TOX: variants seen among roughly 807,000 people sequenced by gnomAD.
TOX encodes thymocyte selection associated high mobility group box, also known as thymocyte selection-associated high mobility group box protein TOX.
A neutral mutation model predicts 53.7 loss-of-function variants in TOX; 11 were observed. That is an observed-to-expected ratio of 0.20 (90% CI 0.13 to 0.34). The LOEUF (loss-of-function observed/expected upper bound fraction) is 0.34, where lower values mean the gene tolerates loss of function less well. TOX is among the 10% of genes least tolerant of loss of function. The pLI is 1.00. For synonymous variants in TOX, 225 were observed against 245.3 expected, an observed-to-expected ratio of 0.92 and a Z score of 0.77; for missense variants, 570 against 664.6, an observed-to-expected ratio of 0.86 and a Z score of 1.56.
At chr8:58,878,205 GA>G (rs3083365) in intron 3 of TOX, among the ~76,000 whole-genome samples, 151 of 141,062 alleles carry the variant, frequency 1.1e-3, no homozygotes, top group South Asian at 2.0e-3. Flanking sequence ...GTGGTATTTG[GA>G]AAAAAAAAAA....
At chr8:58,940,808 T>C (rs1812425448) in intron 2 of TOX, among the ~76,000 whole-genome samples, 1 of 152,200 alleles carries the variant, frequency 6.6e-6, no homozygotes, top group Non-Finnish European at 1.5e-5. Flanking sequence ...TTTTTCCAGA[T>C]GGCGTCTATT....
At chr8:58,902,608 T>A (rs1268087707) in intron 3 of TOX, among the ~76,000 whole-genome samples, 6 of 152,224 alleles carry the variant, frequency 3.9e-5, no homozygotes, top group Non-Finnish European at 7.3e-5. Flanking sequence ...AAGATGAATC[T>A]TATAAGTTTT....
intron 1 of TOX, among the ~76,000 whole-genome samples, chr8:59,112,717 A>C (rs1216870519): frequency 6.6e-6 from 1 of 152,200 alleles, no homozygotes; most frequent in Non-Finnish European, 1.5e-5. Flanking sequence ...AGCTTCTAAG[A>C]TGTCTCAAAC....
intron 1 of TOX, among the ~76,000 whole-genome samples, chr8:59,063,129 A>C (rs1804017844): frequency 6.6e-6 from 1 of 152,150 alleles, no homozygotes; most frequent in Non-Finnish European, 1.5e-5. Flanking sequence ...TAGCTACTGA[A>C]ATCCTATGCA....
At chr8:58,958,028 A>G (rs1333057512) in intron 2 of TOX, among the ~76,000 whole-genome samples, 1 of 152,220 alleles carries the variant, frequency 6.6e-6, no homozygotes, top group Non-Finnish European at 1.5e-5. Context: ...ATCTTACACT[A>G]GTCTAAATTT....
At chr8:58,883,653 T>C (rs999529527) in intron 3 of TOX, among the ~76,000 whole-genome samples, 1 of 152,126 alleles carries the variant, frequency 6.6e-6, no homozygotes, top group Non-Finnish European at 1.5e-5. Flanking sequence ...AAACATCACA[T>C]TAGGGAACTT....
intron 1 of TOX, among the ~76,000 whole-genome samples, chr8:59,105,133 C>T (rs1468125692): frequency 2.0e-5 from 3 of 152,164 alleles, no homozygotes; most frequent in Non-Finnish European, 4.4e-5. Flanking sequence ...AAGAAGTTGA[C>T]TTCTTAGGCT....
Position 59,112,702 on chromosome 8 carries a change from G to A in TOX, c.102+6184C>T, listed in dbSNP as rs1045658907. Among the ~76,000 whole-genome samples the A allele has an allele frequency of 6.6e-5, 10 of 152,094 alleles. No individual in the cohort carries two copies. In the South Asian group the frequency reaches 1.0e-3, roughly 16 times the overall value. On this transcript the variant is annotated intron_variant, in intron 1 of 8. Transcript: ENST00000361421. Reference sequence around the variant, plus strand: ...ATGCAATTTAAACAAATAAGGGAGCGTTCCAGCTTCTAAGATGTCTCAAAC... The same window carrying A: ...ATGCAATTTAAACAAATAAGGGAGCATTCCAGCTTCTAAGATGTCTCAAAC...
intron 1 of TOX, among the ~76,000 whole-genome samples, chr8:59,066,474 A>G (rs1482449636): frequency 3.3e-5 from 5 of 152,190 alleles, no homozygotes; most frequent in Non-Finnish European, 7.4e-5. Context: ...AAAAAATTCC[A>G]ATAACAGATA....
At chr8:59,067,530 G>C (rs1804115712) in intron 1 of TOX, among the ~76,000 whole-genome samples, 1 of 151,732 alleles carries the variant, frequency 6.6e-6, no homozygotes, top group Admixed American at 6.6e-5. Context: ...ACTCCAGCTG[G>C]GAGACAGAGT....
chr8:58,973,001 T>C (rs971554688), intron 1 of TOX, among the ~76,000 whole-genome samples: 2 of 152,218 alleles, frequency 1.3e-5, no homozygotes, highest in Non-Finnish European at 2.9e-5. Context: ...AACTTAAGCA[T>C]GTATTAAGAA....
At chr8:58,979,511 C>T (rs1310836988) in intron 1 of TOX, among the ~76,000 whole-genome samples, 2 of 152,170 alleles carry the variant, frequency 1.3e-5, no homozygotes, top group African/African-American at 4.8e-5. Context: ...AAGACTGCAA[C>T]TTCATTCTGT....
chr8:59,103,318 T>C (rs1804839298), intron 1 of TOX, among the ~76,000 whole-genome samples: 1 of 152,200 alleles, frequency 6.6e-6, no homozygotes, highest in Non-Finnish European at 1.5e-5. Context: ...AAGGAAGTTT[T>C]TCAAGGCCTC....
At position 58,808,206 on chromosome 8, in the gene TOX, CAACTTGTGCAGCTGT is replaced by C; in HGVS notation, c.1441_1455del (p.Thr481_Val485del). On this transcript the variant is annotated inframe_deletion, in exon 8 of 9. Transcript: ENST00000361421. ...CGCACATACTCCATTGCCTGGGTGA[CAACTTGTGCAGCTGT>C]AGATGTAGGATTGATAATAGTCTGA... 6.2e-7 allele frequency: 1 copy of C among 1,614,112 alleles called. No homozygotes were observed. The highest frequency in any genetic ancestry group is 8.5e-7 in the Non-Finnish European group (1 of 1,179,998).
intron 6 of TOX, among the ~76,000 whole-genome samples, chr8:58,819,152 T>C (rs529820223): frequency 6.6e-6 from 1 of 152,324 alleles, no homozygotes; most frequent in South Asian, 2.1e-4. Context: ...GTACTCTTAC[T>C]GTCATTTTTT....
At chr8:58,949,828 A>G (rs1192058482) in intron 2 of TOX, among the ~76,000 whole-genome samples, 1 of 150,996 alleles carries the variant, frequency 6.6e-6, no homozygotes, top group East Asian at 1.9e-4. Context: ...CTATATGTAT[A>G]TAAAATATAT....
chr8:58,818,777 G>A (rs1010683914), intron 6 of TOX, among the ~76,000 whole-genome samples: 4 of 152,046 alleles, frequency 2.6e-5, no homozygotes, highest in African/African-American at 4.8e-5. Context: ...CTCTGCTCTC[G>A]GCAGGACCCA....
chr8:59,110,970 TCAC>T (rs1805006394), intron 1 of TOX, among the ~76,000 whole-genome samples: 1 of 152,192 alleles, frequency 6.6e-6, no homozygotes, highest in African/African-American at 2.4e-5. Context: ...TGAACATCTT[TCAC>T]CACAAGATTT....
At chr8:58,831,971 C>T (rs1339492044) in intron 5 of TOX, among the ~76,000 whole-genome samples, 2 of 151,960 alleles carry the variant, frequency 1.3e-5, no homozygotes, top group African/African-American at 4.8e-5. Context: ...TATTTTCCTG[C>T]CAACATCATG....
Sources: gnomAD v4.1 joint callset for allele counts (sites outside exome capture counted in the v4.1 genomes callset) on GRCh38, gnomAD v4.1.1 for gene constraint, MANE v1.5 for transcripts, NCBI Gene and HGNC (gene_info 2026-07-23, HGNC 2026-07-21) for gene names.